The following SCIMP variants were observed in gnomAD, a reference collection of about 807,000 sequenced individuals.
SCIMP encodes the protein SLP adapter and CSK-interacting membrane protein.
In SCIMP, 18 loss-of-function variants were observed where a neutral mutation model predicts 22.0. The ratio of observed to expected loss-of-function variants is 0.82; its 90% confidence interval spans 0.56 to 1.21. The LOEUF (loss-of-function observed/expected upper bound fraction) is 1.21, where lower values mean the gene tolerates loss of function less well. SCIMP is among the 50% of genes most tolerant of loss of function. The probability of loss-of-function intolerance (pLI) is 0.00; values close to 1 mark genes in which losing one functional copy is unlikely to be tolerated. For missense variants in SCIMP, 155 were observed against 171.2 expected, an observed-to-expected ratio of 0.91 and a Z score of 0.53; for synonymous variants, 53 against 62.2, an observed-to-expected ratio of 0.85 and a Z score of 0.70.
Position 5,223,448 on chromosome 17 carries a change from A to T in SCIMP, c.30T>A (p.Thr10=). 6.2e-7 allele frequency: 1 copy of T among 1,613,674 alleles called. No homozygotes were observed. The highest frequency in any genetic ancestry group is 8.5e-7 in the Non-Finnish European group (1 of 1,179,620). The change falls in exon 2 of 5, where the codon ACT becomes ACA. Residue 10 remains threonine (T), a synonymous_variant. Transcript: ENST00000574081. ...AATTATTCCTCCACCAGCTCATTGC[A>T]GTGGAATCCTGAGAAGAATGGAGAG... MDTFTVQDS[T]AMSWWRNNFW... is the part of the protein sequence containing the mutation.
At chr17:5,227,577 G>A (rs2074660591) in intron 1 of SCIMP, among the ~76,000 whole-genome samples, 1 of 152,206 alleles carries the variant, frequency 6.6e-6, no homozygotes, top group Admixed American at 6.5e-5. Context: ...TAGAACCAGA[G>A]AGAAGGGGCT....
intron 1 of SCIMP, among the ~76,000 whole-genome samples, chr17:5,231,116 T>C (rs2074690577): frequency 6.6e-6 from 1 of 152,116 alleles, no homozygotes; most frequent in Non-Finnish European, 1.5e-5. Flanking sequence ...TCCCAGCACT[T>C]TGGGAGGCCA....
intron 1 of SCIMP, among the ~76,000 whole-genome samples, chr17:5,227,324 C>CAT (rs1555614598): frequency 8.3e-4 from 124 of 150,058 alleles, no homozygotes; most frequent in Non-Finnish European, 1.5e-3. Context: ...CACACACACA[C>CAT]TCTTACACTT....
chr17:5,210,850 T>A lies in SCIMP; in HGVS notation c.389A>T (p.Asp130Val). 1 of 1,613,396 alleles carries A rather than the reference T, an allele frequency of 6.2e-7. No individual in the cohort carries two copies. The highest frequency in any genetic ancestry group is 8.5e-7 in the Non-Finnish European group (1 of 1,179,886). The change falls in exon 5 of 5, where the codon GAC (aspartate) becomes GTC (valine). Residue 130 changes from aspartate to valine, a missense_variant. Physicochemically the swap from Asp to Val is radical, Grantham distance 152 (BLOSUM62 -3). Coordinates refer to ENST00000574081, the MANE Select transcript of SCIMP (RefSeq NM_207103.3). ...SIPSYIEPED[D>V]YDDVEIPANT... ...TGCAGGGATTTCAACATCGTCATAG[T>A]CATCTTCAGGCTCAATGTAGCTTGG...
intron 1 of SCIMP, among the ~76,000 whole-genome samples, chr17:5,231,357 T>C (rs1254323689): frequency 6.8e-6 from 1 of 147,572 alleles, no homozygotes; most frequent in Non-Finnish European, 1.5e-5. Flanking sequence ...TGAAACTCCA[T>C]CTCAAAAAAA....
chr17:5,222,317 TC>T (rs1278119613), intron 2 of SCIMP, among the ~76,000 whole-genome samples: 1 of 150,320 alleles, frequency 6.7e-6, no homozygotes, highest in Non-Finnish European at 1.5e-5. Context: ...GGTCTTGATC[TC>T]CTCACCTCGT....
intron 4 of SCIMP, chr17:5,213,535 C>T (rs1052492561): frequency 6.6e-6 from 1 of 152,314 alleles, no homozygotes; most frequent in African/African-American, 2.4e-5. Context: ...CTGTGCCTGG[C>T]CTCTGGCTAT....
In SCIMP at chr17:5,225,370, C is replaced by T. The variant is rs537363959; in HGVS notation, c.22-1914G>A. ...GTCCCAGCTACTCAGGAGGCTGAGG[C>T]GGGAGAATTGCTTAAAGCCAGGAAG... is the stretch of plus-strand genomic sequence containing the variant. On this transcript the variant is annotated intron_variant, in intron 1 of 4. Transcript: ENST00000574081. Among the ~76,000 whole-genome samples, 70 of 152,130 alleles carry T rather than the reference C, an allele frequency of 4.6e-4. 1 individual carries two copies. Among genetic ancestry groups the T allele is most frequent in the Admixed American group, 5.9e-4 (9 of 15,276 alleles).
At chr17:5,214,629 A>G in intron 4 of SCIMP, 1 of 300,996 alleles carries the variant, frequency 3.3e-6, no homozygotes, top group Admixed American at 4.8e-5. Flanking sequence ...TCACGAGGTC[A>G]GGAGATCGAG....
At chr17:5,230,831 T>G (rs2074688171) in intron 1 of SCIMP, among the ~76,000 whole-genome samples, 1 of 152,046 alleles carries the variant, frequency 6.6e-6, no homozygotes, top group South Asian at 2.1e-4. Context: ...TCCCAGATAC[T>G]CAGGAGGCTG....
At chr17:5,226,550 G>A (rs1429575730) in intron 1 of SCIMP, among the ~76,000 whole-genome samples, 2 of 145,916 alleles carry the variant, frequency 1.4e-5, no homozygotes, top group African/African-American at 5.1e-5. Context: ...TTGTACCCCA[G>A]GCTGGAGTGC....
At chr17:5,221,755 G>A (rs1263296582) in intron 2 of SCIMP, among the ~76,000 whole-genome samples, 1 of 152,144 alleles carries the variant, frequency 6.6e-6, no homozygotes, top group African/African-American at 2.4e-5. Context: ...TCATTCCTTT[G>A]TCCATATTTG....
Position 5,210,291 on chromosome 17 carries a change from C to G in SCIMP, c.*510G>C, listed in dbSNP as rs541476090. On this transcript the variant is annotated 3_prime_UTR_variant, in exon 5 of 5. Transcript: ENST00000574081. ...GAGATGTGGTGTGGGAACCTGGGCA[C>G]GAGAGCACTCAGCTGTAACTCACCC... is the stretch of plus-strand genomic sequence containing the variant. The G allele has an allele frequency of 6.6e-6, 1 of 152,620 alleles. No individual in the cohort carries two copies. The highest frequency in any genetic ancestry group is 1.5e-5 in the Non-Finnish European group (1 of 68,494). 9.5% of individuals were successfully genotyped at this position (152,620 alleles called of 1,614,324 possible).
chr17:5,222,043 T>G (rs887096107), intron 2 of SCIMP, among the ~76,000 whole-genome samples: 1 of 150,742 alleles, frequency 6.6e-6, no homozygotes, highest in South Asian at 2.1e-4. Flanking sequence ...CAAAGAGCTG[T>G]GCTGAGATTA....
rs1460058918 is a variant in SCIMP, at chr17:5,214,997, T to C, written c.211A>G (p.Asn71Asp). 1 of 1,603,700 alleles carries C rather than the reference T, an allele frequency of 6.2e-7. No homozygotes were observed. The highest frequency in any genetic ancestry group is 8.5e-7 in the Non-Finnish European group (1 of 1,170,706). ...KQVDEEKMYE[N>D]VLNESPVQLP... ...TGAACTGGCGACTCATTAAGAACAT[T>C]CCTAGAGAGAGAGAAAGAGAGAGAA... The change falls in exon 4 of 5, where the codon AAT becomes GAT. Residue 71 changes from asparagine (N) to aspartate (D), a missense_variant and splice_region_variant. Physicochemically the swap from Asn to Asp is conservative, Grantham distance 23 (BLOSUM62 1). Transcript: ENST00000574081.
At chr17:5,234,527 A>C in intron 1 of SCIMP, 1 of 600,390 alleles carries the variant, frequency 1.7e-6, no homozygotes, top group South Asian at 2.0e-5. Flanking sequence ...GTGATGCCTC[A>C]GGTCACTCAG....
chr17:5,232,419 G>GCAGTATAAACAGTATAAA (rs2074709160), intron 1 of SCIMP, among the ~76,000 whole-genome samples: 1 of 147,810 alleles, frequency 6.8e-6, no homozygotes, highest in African/African-American at 2.5e-5. Context: ...TGCAAACAGT[G>GCAGTATAAACAGTATAAA]CAGTGTAAAC....
At chr17:5,223,543 G>C in intron 1 of SCIMP, 87 bp from the exon 2 acceptor site, 1 of 1,212,344 alleles carries the variant, frequency 8.2e-7, no homozygotes, top group Non-Finnish European at 1.2e-6. Flanking sequence ...ACTGTGGGTT[G>C]TTTTTTTTTT....
chr17:5,214,403 A>G (rs2074548601), intron 4 of SCIMP: 1 of 153,300 alleles, frequency 6.5e-6, no homozygotes, highest in South Asian at 2.0e-4. Context: ...AAAAATACAA[A>G]AAATTAGCCA....
Sources: gnomAD v4.1 joint callset for allele counts (sites outside exome capture counted in the v4.1 genomes callset) on GRCh38, gnomAD v4.1.1 for gene constraint, MANE v1.5 for transcripts, NCBI Gene and HGNC (gene_info 2026-07-23, HGNC 2026-07-21) for gene names.